Variants in TAFA1 observed in about 807,000 individuals in gnomAD.
TAFA1 encodes the protein TAFA chemokine like family member 1, also known as chemokine-like protein TAFA-1.
Under a neutral mutation model 18.5 loss-of-function variants are expected in TAFA1, and 4 were observed. That is an observed-to-expected ratio of 0.22 (90% confidence interval 0.11 to 0.49). The LOEUF (loss-of-function observed/expected upper bound fraction) is 0.49. Among genes scored for constraint, TAFA1 ranks in the 20% least tolerant of loss-of-function variants. The probability of loss-of-function intolerance (pLI) is 0.98; values close to 1 mark genes in which losing one functional copy is unlikely to be tolerated. For synonymous variants in TAFA1, 56 were observed against 55.2 expected (o/e 1.01, Z -0.06); for missense variants, 147 against 169.0 (o/e 0.87, Z 0.72).
intron 2 of TAFA1, among the ~76,000 whole-genome samples, chr3:68,015,358 C>T (rs1240217245): frequency 1.3e-5 from 2 of 151,112 alleles, no homozygotes; most frequent in Non-Finnish European, 2.9e-5. Flanking sequence ...ATGCTCTCGG[C>T]TCACTGCAAC....
At chr3:68,051,977 T>C (rs905723823) in intron 2 of TAFA1, among the ~76,000 whole-genome samples, 36 of 152,162 alleles carry the variant, frequency 2.4e-4, no homozygotes, top group Middle Eastern at 3.2e-3. Flanking sequence ...AAGGACAGAC[T>C]CCAGAATTCC....
rs545281653 is a variant in TAFA1, at chr3:68,460,070, G to A, written c.259+42650G>A. On this transcript the variant is annotated intron_variant, in intron 3 of 4. Coordinates refer to ENST00000478136, the MANE Select transcript of TAFA1 (RefSeq NM_213609.4). ...GTTGTTCCTTCAATCTCCCAGTATGGCTAAGAAATAGCTTTTCTTGGTCTC... is the reference window on the plus strand; with the variant it reads ...GTTGTTCCTTCAATCTCCCAGTATGACTAAGAAATAGCTTTTCTTGGTCTC... Among the ~76,000 whole-genome samples, 10 of 152,172 alleles carry A rather than the reference G, an allele frequency of 6.6e-5. No individual in the cohort carries two copies. The East Asian group carries it at 1.7e-3, about 26-fold the overall frequency.
At chr3:68,148,867 T>A (rs1219497528) in intron 2 of TAFA1, among the ~76,000 whole-genome samples, 1 of 152,210 alleles carries the variant, frequency 6.6e-6, no homozygotes, top group Non-Finnish European at 1.5e-5. Context: ...CCCAATAATA[T>A]CTACATCACT....
chr3:68,336,774 A>T (rs563681448), intron 2 of TAFA1, among the ~76,000 whole-genome samples: 13 of 152,330 alleles, frequency 8.5e-5, no homozygotes, highest in Admixed American at 2.6e-4. Context: ...ACCAGGCTGG[A>T]GTGCTGTGGC....
At chr3:68,018,535 T>C (rs1704614217) in intron 2 of TAFA1, among the ~76,000 whole-genome samples, 1 of 152,174 alleles carries the variant, frequency 6.6e-6, no homozygotes, top group African/African-American at 2.4e-5. Context: ...AGTTACCCAG[T>C]AGTAATAGAA....
chr3:68,359,503 C>T (rs1230843060), intron 2 of TAFA1, among the ~76,000 whole-genome samples: 1 of 151,908 alleles, frequency 6.6e-6, no homozygotes, highest in Non-Finnish European at 1.5e-5. Flanking sequence ...GTGAGAAGAA[C>T]TCAATCTGTC....
intron 3 of TAFA1, 97 bp from the exon 4 acceptor site, chr3:68,538,659 T>A (rs1200828230): frequency 1.6e-6 from 2 of 1,221,190 alleles, no homozygotes; most frequent in Non-Finnish European, 2.4e-6. Context: ...GAACTTAGTG[T>A]GCTTCCAAGA....
chr3:68,153,510 C>G (rs2065831450), intron 2 of TAFA1, among the ~76,000 whole-genome samples: 2 of 152,266 alleles, frequency 1.3e-5, no homozygotes, highest in Admixed American at 1.3e-4. Flanking sequence ...TCTGAGCTGT[C>G]ATTTGCAAAG....
intron 2 of TAFA1, among the ~76,000 whole-genome samples, chr3:68,388,844 T>A (rs948359624): frequency 2.0e-5 from 3 of 152,172 alleles, no homozygotes; most frequent in Non-Finnish European, 4.4e-5. Context: ...TTAGCCAACA[T>A]TTCTATCATA....
intron 3 of TAFA1, among the ~76,000 whole-genome samples, chr3:68,438,397 C>A (rs549268291): frequency 1.4e-4 from 21 of 152,256 alleles, no homozygotes; most frequent in African/African-American, 5.1e-4. Context: ...TCTCCTCTGG[C>A]TCCATATCTG....
chr3:68,045,907 A>G (rs1466221034), intron 2 of TAFA1, among the ~76,000 whole-genome samples: 5 of 152,208 alleles, frequency 3.3e-5, no homozygotes, highest in African/African-American at 1.2e-4. Context: ...ACTGACTATG[A>G]GCTGTAAATA....
At chr3:68,066,864 T>C (rs1357221620) in intron 2 of TAFA1, among the ~76,000 whole-genome samples, 1 of 152,102 alleles carries the variant, frequency 6.6e-6, no homozygotes, top group Non-Finnish European at 1.5e-5. Context: ...AGGAGGGAAC[T>C]CTGGGGTTTT....
intron 3 of TAFA1, among the ~76,000 whole-genome samples, chr3:68,509,941 T>C (rs185830580): frequency 7.9e-5 from 12 of 152,236 alleles, no homozygotes; most frequent in Admixed American, 7.2e-4. Context: ...ATTTATGCCC[T>C]CTTGACTCAA....
chr3:68,167,128 A>G (rs982346020), intron 2 of TAFA1, among the ~76,000 whole-genome samples: 2 of 152,186 alleles, frequency 1.3e-5, no homozygotes, highest in Non-Finnish European at 2.9e-5. Flanking sequence ...TCCCAAGGTC[A>G]CTTGGCTGGT....
intron 2 of TAFA1, among the ~76,000 whole-genome samples, chr3:68,123,726 G>A (rs779510202): frequency 3.3e-5 from 5 of 151,958 alleles, no homozygotes; most frequent in African/African-American, 9.7e-5. Flanking sequence ...CTAAATCCAC[G>A]TGATTGTTCA....
At chr3:68,538,545 T>TTGATGAAACCAGTCCACA (rs1431897754) in intron 3 of TAFA1, among the ~76,000 whole-genome samples, 7 of 152,194 alleles carry the variant, frequency 4.6e-5, no homozygotes, top group African/African-American at 1.7e-4. Flanking sequence ...AAAATGCTGC[T>TTGATGAAACCAGTCCACA]TGATGAAACC....
chr3:68,320,527 G>A (rs1212031073), intron 2 of TAFA1, among the ~76,000 whole-genome samples: 1 of 152,068 alleles, frequency 6.6e-6, no homozygotes, highest in African/African-American at 2.4e-5. Context: ...TCTCCTCCTT[G>A]GTTCCCGATC....
At chr3:68,425,445 A>T (rs1035149789) in intron 3 of TAFA1, among the ~76,000 whole-genome samples, 1 of 151,954 alleles carries the variant, frequency 6.6e-6, no homozygotes, top group South Asian at 2.1e-4. Context: ...GATTGTTCTT[A>T]TTAGAAGAGG....
At chr3:68,384,774 C>G (rs1160159334) in intron 2 of TAFA1, among the ~76,000 whole-genome samples, 1 of 151,952 alleles carries the variant, frequency 6.6e-6, no homozygotes, top group Non-Finnish European at 1.5e-5. Flanking sequence ...GTGTTAAAAT[C>G]TCTTACTATT....
Sources: gnomAD v4.1 joint callset for allele counts (sites outside exome capture counted in the v4.1 genomes callset) on GRCh38, gnomAD v4.1.1 for gene constraint, MANE v1.5 for transcripts, NCBI Gene and HGNC (gene_info 2026-07-23, HGNC 2026-07-21) for gene names.